Variants in DGKA observed in about 807,000 individuals in gnomAD.
The protein encoded by DGKA is diacylglycerol kinase alpha.
DGKA carries 35 observed loss-of-function variants against 105.0 expected under a neutral mutation model. The observed-to-expected ratio is 0.33, with a 90% confidence interval of 0.25 to 0.44. The LOEUF is 0.44. Among genes scored for constraint, DGKA ranks in the 20% least tolerant of loss-of-function variants. The probability of loss-of-function intolerance (pLI) is 1.00; values close to 1 mark genes in which losing one functional copy is unlikely to be tolerated. For synonymous variants in DGKA, 296 were observed against 332.0 expected (o/e 0.89, Z 1.18); for missense variants, 665 against 915.0 (o/e 0.73, Z 3.53).
chr12:55,953,254 TC>T (rs1888521127), intron 22 of DGKA, 94 bp downstream of exon 22: 1 of 1,609,826 alleles, frequency 6.2e-7, no homozygotes, highest in Non-Finnish European at 8.5e-7. Context: ...TTACTAGATC[TC>T]CCTCAATGAC....
chr12:55,932,571 C>G lies in DGKA; in HGVS notation c.-82+1227C>G, dbSNP rs932479252. 1.0e-5 allele frequency: 7 copies of G among 702,160 alleles called. No individual in the cohort carries two copies. The highest frequency in any genetic ancestry group is 5.4e-5 in the East Asian group (2 of 37,294). 43.5% of individuals were successfully genotyped at this position (702,160 alleles called of 1,614,324 possible). A position where few individuals can be genotyped will look rare whatever the true frequency, so the allele number is the denominator to read the frequency against. On this transcript the variant is annotated intron_variant, in intron 1 of 23. Transcript: ENST00000331886. This position sits in a 1 kb window ranked among gnomAD's most constrained non-coding sequence, Gnocchi z 4.3. ...TTTTCACCTTGATAGGAGAAATGAG[C>G]CTTCCTGAGGAAGAATGGCAAATAT... is the stretch of plus-strand genomic sequence containing the variant.
At chr12:55,936,627 T>G in intron 2 of DGKA, 60 bp downstream of exon 2, 2 of 1,608,724 alleles carry the variant, frequency 1.2e-6, no homozygotes, top group South Asian at 2.2e-5. Flanking sequence ...TCCCTCCTCC[T>G]CCTCATTACA....
At chr12:55,927,387 T>A, upstream of DGKA, 2 of 716,470 alleles carry the variant, frequency 2.8e-6, no homozygotes, top group African/African-American at 1.7e-5. Context: ...GCACAGTCCC[T>A]CTCATCCCCA....
rs1431973768 is a variant in DGKA at position 55,932,852 on chromosome 12, G to C, written c.-82+1508G>C. The stretch of plus-strand genomic sequence containing the variant: ...TTGAGGGCTACCTACTAGCAGCAAC[G>C]GTCAGGGAGAGGAGGAGGATACAGT... On this transcript the variant is annotated intron_variant, in intron 1 of 23. Transcript: ENST00000331886. The surrounding 1 kb of genome is among the most constrained non-coding windows in gnomAD (Gnocchi z 4.3). 1.2e-5 allele frequency: 6 copies of C among 483,230 alleles called. No homozygotes were observed. The highest frequency in any genetic ancestry group is 2.3e-5 in the Non-Finnish European group (6 of 265,728). The allele number at this position is 483,230 out of a possible 1,614,324, so 29.9% of individuals were successfully genotyped here. A position where few individuals can be genotyped will look rare whatever the true frequency, so the allele number is the denominator to read the frequency against.
intron 17 of DGKA, 31 bp from the exon 18 acceptor site, chr12:55,951,592 C>T (rs559465920): frequency 1.9e-6 from 3 of 1,602,614 alleles, no homozygotes; most frequent in South Asian, 1.1e-5. Flanking sequence ...GGACCCAGAG[C>T]TCAGTGCTAA....
Position 55,952,032 on chromosome 12 carries a change from C to T in DGKA, c.1588-3C>T. On this transcript the variant is annotated splice_region_variant and splice_polypyrimidine_tract_variant and intron_variant, in intron 18 of 23. Transcript: ENST00000331886. The surrounding 1 kb of genome is among the most constrained non-coding windows in gnomAD (Gnocchi z 5.1). ...ACTGACCTTCATGTCCCGAACTCTCCAGGATGCCTCTATTGCTCATCGATT... is the reference window on the plus strand; with the variant it reads ...ACTGACCTTCATGTCCCGAACTCTCTAGGATGCCTCTATTGCTCATCGATT... The T allele has an allele frequency of 6.2e-7, 1 of 1,613,990 alleles. No homozygotes were observed. Among genetic ancestry groups the T allele is most frequent in the Non-Finnish European group, 8.5e-7 (1 of 1,180,006 alleles).
chr12:55,939,403 G>C lies in DGKA; in HGVS notation c.595-12G>C. On this transcript the variant is annotated splice_polypyrimidine_tract_variant and intron_variant, in intron 8 of 23. Transcript: ENST00000331886. ...GCTTTGACACTCCCTAGCATCTACT[G>C]TGCCTTCCTAGACTCTGAAGGACGA... 6.2e-7 allele frequency: 1 copy of C among 1,614,124 alleles called. No homozygotes were observed. The highest frequency in any genetic ancestry group is 1.3e-5 in the African/African-American group (1 of 75,052).
chr12:55,944,803 T>G (rs780539079), intron 17 of DGKA, among the ~76,000 whole-genome samples: 14 of 152,202 alleles, frequency 9.2e-5, no homozygotes, highest in Non-Finnish European at 1.9e-4. Flanking sequence ...TTTATTTTTA[T>G]TTATTTATCT....
intron 13 of DGKA, 94 bp downstream of exon 13, chr12:55,941,074 G>A (rs1885868603): frequency 7.0e-7 from 1 of 1,421,018 alleles, no homozygotes; most frequent in Admixed American, 2.0e-5. Context: ...CTGGTGGGGA[G>A]CGGTTGATGC....
At position 55,939,294 on chromosome 12, in the gene DGKA, G is replaced by A. The variant is rs770890820; in HGVS notation, c.583G>A (p.Gly195Ser). ...CACCGTGCCACTGCTAGTGCTGCTG[G>A]GTCTGGAGATGGTGAGTAGGAGAGA... ...ATTVPLLVLL[G>S]LEMTLKDDGQ... The change falls in exon 8 of 24, where the codon GGT (glycine) becomes AGT (serine). Residue 195 changes from glycine (G) to serine (S), a missense_variant. Physicochemically the swap from Gly to Ser is moderately conservative, Grantham distance 56. Coordinates refer to ENST00000331886, the MANE Select transcript of DGKA (RefSeq NM_001345.5). 6.2e-7 allele frequency: 1 copy of A among 1,613,956 alleles called. No homozygotes were observed. The highest frequency in any genetic ancestry group is 8.5e-7 in the Non-Finnish European group (1 of 1,179,862).
At chr12:55,936,915 A>G in intron 2 of DGKA, 102 bp from the exon 3 acceptor site, 1 of 1,069,204 alleles carries the variant, frequency 9.4e-7, no homozygotes, top group Non-Finnish European at 1.5e-6. Context: ...TTCTTCTTGG[A>G]ATTTCTTCAT....
At chr12:55,941,047 G>T in intron 13 of DGKA, 67 bp downstream of exon 13, 1 of 1,535,552 alleles carries the variant, frequency 6.5e-7, no homozygotes, top group Non-Finnish European at 8.9e-7. Context: ...TCATGGGTGG[G>T]AATGAAGTGG....
chr12:55,929,210 G>T (rs1051095057), upstream of DGKA: 6 of 152,222 alleles, frequency 3.9e-5, no homozygotes, highest in African/African-American at 9.7e-5. Flanking sequence ...TGACACTGTG[G>T]TCTTAAACCC....
chr12:55,951,193 C>G (rs1888074038), intron 17 of DGKA, among the ~76,000 whole-genome samples: 1 of 152,146 alleles, frequency 6.6e-6, no homozygotes, highest in Non-Finnish European at 1.5e-5. Flanking sequence ...TTTGGGGGCT[C>G]TCTATTCTTT....
intron 3 of DGKA, 35 bp downstream of exon 3, chr12:55,937,125 A>ACTCTTCC: frequency 6.2e-7 from 1 of 1,608,120 alleles, no homozygotes; most frequent in Non-Finnish European, 8.5e-7. Flanking sequence ...TTCTTGATCA[A>ACTCTTCC]CTCTTCCCAT....
rs921765377 is a variant in DGKA at position 55,953,244 on chromosome 12, T to G, written c.2063+84T>G. 3 of 1,609,974 alleles carry G rather than the reference T, an allele frequency of 1.9e-6. No individual in the cohort carries two copies. In the African/African-American group the frequency reaches 4.0e-5, roughly 22 times the overall value. ...GTCATGGGAATGGTGGGGAGGGGCT[T>G]TACTAGATCTCCCTCAATGACAAAA... On this transcript the variant is annotated intron_variant, in intron 22 of 23. Transcript: ENST00000331886.
chr12:55,940,819 G>C lies in DGKA; in HGVS notation c.1018-78G>C. 1 of 1,596,260 alleles carries C rather than the reference G, an allele frequency of 6.3e-7. No individual in the cohort carries two copies. Among genetic ancestry groups the C allele is most frequent in the South Asian group, 1.1e-5 (1 of 90,584 alleles). Reference sequence around the variant, plus strand: ...TTAGAATAGAGAGCTCATACTTTTAGGATTCAAGTCAGACCCCTCTATTTA... The same window carrying C: ...TTAGAATAGAGAGCTCATACTTTTACGATTCAAGTCAGACCCCTCTATTTA... On this transcript the variant is annotated intron_variant, in intron 12 of 23. Coordinates refer to ENST00000331886, the MANE Select transcript of DGKA (RefSeq NM_001345.5). The surrounding 1 kb of genome is among the most constrained non-coding windows in gnomAD (Gnocchi z 4.3).
In DGKA at chr12:55,940,899, C is replaced by T. The variant is rs553933768; in HGVS notation, c.1020C>T (p.Ala340=). 1.3e-5 allele frequency: 21 copies of T among 1,614,140 alleles called. No homozygotes were observed. The highest frequency in any genetic ancestry group is 1.7e-5 in the Admixed American group (1 of 60,018). The part of the protein sequence containing the change: ...PPSSIYPSVL[A]SGPDRKNSKT... ...CCTCTACTTTCTTCCCCTCCCAGGC[C>T]TCTGGACCGGATCGTAAAAATAGCA... Residue 340 remains alanine, a splice_region_variant and synonymous_variant, in exon 13 of 24, where the codon GCC becomes GCT. Transcript: ENST00000331886. This position sits in a 1 kb window ranked among gnomAD's most constrained non-coding sequence, Gnocchi z 4.3.
Position 55,938,951 on chromosome 12 carries a change from G to C in DGKA, c.436G>C (p.Ala146Pro). 1 of 1,614,174 alleles carries C rather than the reference G, an allele frequency of 6.2e-7. No homozygotes were observed. The highest frequency in any genetic ancestry group is 1.6e-4 in the Middle Eastern group (1 of 6,062). The change falls in exon 7 of 24, where the codon GCT (alanine) becomes CCT (proline). Residue 146 changes from alanine to proline, a missense_variant. By Grantham distance (27) the Ala-to-Pro change is conservative. This residue lies in a region of DGKA where 504 missense variants were observed against 681.2 expected (regional missense o/e 0.74). Coordinates refer to ENST00000331886, the MANE Select transcript of DGKA (RefSeq NM_001345.5). ...AATTATCCTACAGATGATGCGAGTG[G>C]CTGAATACCTGGATTGGGATGTGTC... ...DKIILQMMRVAEYLDWDVSEL... is the reference protein window; with the variant it reads ...DKIILQMMRVPEYLDWDVSEL...
Sources: allele counts gnomAD v4.1 joint callset (sites outside exome capture counted in the v4.1 genomes callset), GRCh38; gene constraint gnomAD v4.1.1; regional missense constraint gnomAD v4.1.1; non-coding constraint Gnocchi (gnomAD v3.1); transcripts MANE v1.5; gene names NCBI Gene and HGNC (gene_info 2026-07-23, HGNC 2026-07-21).